XKR4: variants seen among roughly 807,000 people sequenced by gnomAD.
XKR4 encodes XK-related protein 4.
A neutral mutation model predicts 53.9 loss-of-function variants in XKR4; 12 were observed. The observed-to-expected ratio is 0.22, with a 90% CI of 0.14 to 0.36. The LOEUF is 0.36. Among genes scored for constraint, XKR4 ranks in the 10% least tolerant of loss-of-function variants. The pLI is 1.00. For synonymous variants in XKR4, 354 were observed against 362.4 expected (o/e 0.98, Z 0.26); for missense variants, 799 against 859.5 (o/e 0.93, Z 0.88).
At chr8:55,331,727 T>G (rs139746722) in intron 1 of XKR4, among the ~76,000 whole-genome samples, 238 of 152,276 alleles carry the variant, frequency 1.6e-3, no homozygotes, top group African/African-American at 5.3e-3. Context: ...GTTTTATACT[T>G]AAAGTCTATA....
At position 55,528,891 on chromosome 8, in the gene XKR4, C is replaced by T. The variant is rs565736193; in HGVS notation, c.*4664C>T. Reference sequence around the variant, plus strand: ...TCCGCTCTATCCCCCATTTCTGAGACTCTTGTCTGGACCTGTAACAGGCCG... The same window carrying T: ...TCCGCTCTATCCCCCATTTCTGAGATTCTTGTCTGGACCTGTAACAGGCCG... On this transcript the variant is annotated 3_prime_UTR_variant, in exon 3 of 3. Coordinates refer to ENST00000327381, the MANE Select transcript of XKR4 (RefSeq NM_052898.2). 1 of 151,964 alleles carries T rather than the reference C, an allele frequency of 6.6e-6. No individual in the cohort carries two copies. Among genetic ancestry groups the T allele is most frequent in the East Asian group, 1.9e-4 (1 of 5,178 alleles). 9.4% of individuals were successfully genotyped at this position (151,964 alleles called of 1,614,324 possible). A position where few individuals can be genotyped will look rare whatever the true frequency, so the allele number is the denominator to read the frequency against.
intron 2 of XKR4, among the ~76,000 whole-genome samples, chr8:55,398,875 C>A (rs1804560133): frequency 6.6e-6 from 1 of 152,146 alleles, no homozygotes; most frequent in Non-Finnish European, 1.5e-5. Flanking sequence ...TCGTTGCTTT[C>A]GAATATTATC....
intron 1 of XKR4, among the ~76,000 whole-genome samples, chr8:55,105,357 T>A (rs1216463448): frequency 2.9e-5 from 1 of 33,900 alleles, no homozygotes; most frequent in Non-Finnish European, 6.0e-5. Context: ...AGGTAGGGAG[T>A]GGGGGCGGGG....
chr8:55,187,782 G>A (rs1372100385), intron 1 of XKR4, among the ~76,000 whole-genome samples: 14 of 152,274 alleles, frequency 9.2e-5, no homozygotes, highest in Admixed American at 8.5e-4. Context: ...ATTGAGATAA[G>A]ACAAGATCAC....
chr8:55,299,157 G>A (rs1819144043), intron 1 of XKR4, among the ~76,000 whole-genome samples: 1 of 152,096 alleles, frequency 6.6e-6, no homozygotes, highest in African/African-American at 2.4e-5. Context: ...TTGACATTTT[G>A]GAGAACACCA....
At chr8:55,402,312 G>A (rs1390775416) in intron 2 of XKR4, among the ~76,000 whole-genome samples, 2 of 152,130 alleles carry the variant, frequency 1.3e-5, no homozygotes, top group Non-Finnish European at 2.9e-5. Context: ...TTTGCTCTGG[G>A]GCCACCTTCA....
At chr8:55,382,756 T>C (rs1804253741) in intron 2 of XKR4, among the ~76,000 whole-genome samples, 2 of 152,220 alleles carry the variant, frequency 1.3e-5, no homozygotes. Flanking sequence ...CTTGATTTCT[T>C]TTTAGCATCT....
intron 1 of XKR4, among the ~76,000 whole-genome samples, chr8:55,328,557 G>C (rs1803328774): frequency 6.6e-6 from 1 of 152,146 alleles, no homozygotes; most frequent in African/African-American, 2.4e-5. Context: ...TACTTGAAGA[G>C]CACAACAGCT....
chr8:55,297,002 T>C (rs1325620656), intron 1 of XKR4, among the ~76,000 whole-genome samples: 1 of 152,220 alleles, frequency 6.6e-6, no homozygotes, highest in African/African-American at 2.4e-5. Flanking sequence ...TCTCTATTTC[T>C]TCATCCATAA....
rs2129374271 is a variant in XKR4, at chr8:55,283,834, C to G, written c.807-73844C>G. On this transcript the variant is annotated intron_variant, in intron 1 of 2. Coordinates refer to ENST00000327381, the MANE Select transcript of XKR4 (RefSeq NM_052898.2). ...TATTTTCCTTGGGTCTGATGTGAGG[C>G]CAGCTCATTTCACAATGATGCTACT... Among the ~76,000 whole-genome samples, 2 of 152,290 alleles carry G rather than the reference C, an allele frequency of 1.3e-5. 1 individual carries two copies. The highest frequency in any genetic ancestry group is 4.1e-4 in the South Asian group (2 of 4,820).
intron 1 of XKR4, among the ~76,000 whole-genome samples, chr8:55,213,217 G>T (rs1405835299): frequency 6.6e-6 from 1 of 152,208 alleles, no homozygotes; most frequent in East Asian, 1.9e-4. Context: ...GACAAAATCA[G>T]TCTCCCTGAA....
Position 55,133,050 on chromosome 8 carries a change from C to T in XKR4, c.806+29756C>T, listed in dbSNP as rs79551879. On this transcript the variant is annotated intron_variant, in intron 1 of 2. Transcript: ENST00000327381. Reference sequence around the variant, plus strand: ...GATGACTGAGGTTTGGACACCTTTGCGGGGTGGAGATGAGAGGAAAGAGAG... The same window carrying T: ...GATGACTGAGGTTTGGACACCTTTGTGGGGTGGAGATGAGAGGAAAGAGAG... Among the ~76,000 whole-genome samples the T allele has an allele frequency of 3.9e-3, 586 of 152,066 alleles. 4 individuals are homozygous for T. Among genetic ancestry groups the T allele is most frequent in the African/African-American group, 0.013 (541 of 41,460 alleles).
chr8:55,474,739 A>G (rs1385712274), intron 2 of XKR4, among the ~76,000 whole-genome samples: 2 of 152,146 alleles, frequency 1.3e-5, no homozygotes, highest in Non-Finnish European at 2.9e-5. Flanking sequence ...GGCTCTGCCA[A>G]AATGGTCCTT....
intron 2 of XKR4, among the ~76,000 whole-genome samples, chr8:55,473,067 T>C (rs1045230060): frequency 1.3e-5 from 2 of 152,104 alleles, no homozygotes; most frequent in African/African-American, 4.8e-5. Flanking sequence ...ATTCACCCAA[T>C]TGGATTGATT....
rs189769808 is a variant in XKR4, at chr8:55,479,944, G to A, written c.1007-43337G>A. On this transcript the variant is annotated intron_variant, in intron 2 of 2. Transcript: ENST00000327381. ...AGCAAAGAAAAGTCCAGGACCAGAC[G>A]GATTCACTGCCGAATTTTACCAGAG... 1.2e-3 allele frequency among the ~76,000 whole-genome samples: 183 copies of A among 152,258 alleles called. 2 individuals are homozygous for A. Among genetic ancestry groups the A allele is most frequent in the Admixed American group, 0.011 (167 of 15,296 alleles).
chr8:55,499,560 T>C (rs1372397672), intron 2 of XKR4, among the ~76,000 whole-genome samples: 1 of 152,216 alleles, frequency 6.6e-6, no homozygotes, highest in African/African-American at 2.4e-5. Context: ...GTGTGGTCTG[T>C]TAACAGGCAG....
intron 2 of XKR4, among the ~76,000 whole-genome samples, chr8:55,481,040 A>C (rs1264124593): frequency 2.0e-5 from 3 of 152,222 alleles, no homozygotes; most frequent in Non-Finnish European, 2.9e-5. Flanking sequence ...CAGAATTGGA[A>C]AAAACTACTT....
intron 1 of XKR4, among the ~76,000 whole-genome samples, chr8:55,106,965 C>G (rs183063539): frequency 1.9e-4 from 29 of 152,278 alleles, no homozygotes; most frequent in African/African-American, 6.7e-4. Context: ...ACAGCTCTCT[C>G]TACAGCAGGA....
chr8:55,377,522 G>T (rs996650381), intron 2 of XKR4, among the ~76,000 whole-genome samples: 1 of 152,162 alleles, frequency 6.6e-6, no homozygotes, highest in Non-Finnish European at 1.5e-5. Flanking sequence ...GAAAATGAGT[G>T]AGGAATACCT....
Sources: gnomAD v4.1 joint callset for allele counts (sites outside exome capture counted in the v4.1 genomes callset) on GRCh38, gnomAD v4.1.1 for gene constraint, MANE v1.5 for transcripts, NCBI Gene and HGNC (gene_info 2026-07-23, HGNC 2026-07-21) for gene names.